SETDB1: variants seen among roughly 807,000 people sequenced by gnomAD.
SETDB1 encodes histone-lysine N-methyltransferase SETDB1.
In SETDB1, 31 loss-of-function variants were observed where a neutral mutation model predicts 137.4. That is an observed-to-expected ratio of 0.23 (90% CI 0.17 to 0.30). The LOEUF (loss-of-function observed/expected upper bound fraction) is 0.30, where lower values mean the gene tolerates loss of function less well. Among genes scored for constraint, SETDB1 ranks in the 10% least tolerant of loss-of-function variants. The probability of loss-of-function intolerance (pLI) is 1.00; values close to 1 mark genes in which losing one functional copy is unlikely to be tolerated. For synonymous variants in SETDB1, 548 were observed against 579.9 expected (o/e 0.95, Z 0.79); for missense variants, 1,113 against 1,631.5 (o/e 0.68, Z 5.47).
At chr1:150,961,327 C>T (rs973861065) in intron 16 of SETDB1, 136 bp downstream of exon 16, 8 of 885,822 alleles carry the variant, frequency 9.0e-6, no homozygotes, top group Admixed American at 4.5e-5. Context: ...ATCTCTCCCC[C>T]TAACTAGCAC....
rs1034694822 is a variant in SETDB1, at chr1:150,963,600, A to G, written c.3531A>G (p.Ala1177=). The change falls in exon 20 of 22, where the codon GCA becomes GCG. Residue 1177 remains alanine (A), a synonymous_variant. Coordinates refer to ENST00000692827, the MANE Select transcript of SETDB1 (RefSeq NM_001366418.1). ...GFALKSTHGI[A]IKSTNMASVD... is the part of the protein sequence containing the mutation. ...CTCTTAAATCAACCCATGGGATTGCAATTAAATCAACCAACATGGCCTCTG... is the reference window on the plus strand; with the variant it reads ...CTCTTAAATCAACCCATGGGATTGCGATTAAATCAACCAACATGGCCTCTG... 9 of 1,613,998 alleles carry G rather than the reference A, an allele frequency of 5.6e-6. No individual in the cohort carries two copies. The Admixed American group carries it at 1.5e-4, about 27-fold the overall frequency.
chr1:150,926,884 T>C lies in SETDB1; in HGVS notation c.-12+367T>C. The C allele has an allele frequency of 5.6e-6, 3 of 531,084 alleles. No homozygotes were observed. The Admixed American group carries it at 5.9e-5, about 11-fold the overall frequency. The allele number at this position is 531,084 out of a possible 1,614,324, so 32.9% of individuals were successfully genotyped here. Reference sequence around the variant, plus strand: ...AACCTTTTTGCTGCAAGCTTTCGTGTGTTTGAATATCATAGACTTTTTAAA... The same window carrying C: ...AACCTTTTTGCTGCAAGCTTTCGTGCGTTTGAATATCATAGACTTTTTAAA... On this transcript the variant is annotated intron_variant, in intron 1 of 21. Coordinates refer to ENST00000692827, the MANE Select transcript of SETDB1 (RefSeq NM_001366418.1).
intron 3 of SETDB1, chr1:150,930,392 T>C (rs587731605): frequency 2.4e-5 from 8 of 338,374 alleles, no homozygotes; most frequent in East Asian, 5.7e-5. Context: ...CCAGGACTTA[T>C]AGTGAGTGTA....
In SETDB1 at chr1:150,949,295, C is replaced by G. The variant is rs772290621; in HGVS notation, c.1424+17C>G. The stretch of plus-strand genomic sequence containing the variant: ...TGACAGTGAGTGAGTGTTATTCTTT[C>G]TTTTTCTTCAGTTTCTTTCATATTA... On this transcript the variant is annotated intron_variant, in intron 11 of 21. Transcript: ENST00000692827. 1.2e-6 allele frequency: 2 copies of G among 1,612,698 alleles called. No individual in the cohort carries two copies. Among genetic ancestry groups the G allele is most frequent in the African/African-American group, 1.3e-5 (1 of 74,822 alleles).
chr1:150,963,435 T>C (rs1461589900), intron 19 of SETDB1, 95 bp from the exon 20 acceptor site: 2 of 1,071,528 alleles, frequency 1.9e-6, no homozygotes, highest in East Asian at 2.5e-5. Flanking sequence ...TCAGCTGCAA[T>C]GTTGGGAGAG....
Position 150,926,461 on chromosome 1 carries a change from G to C in SETDB1, c.-68G>C. 1 of 303,206 alleles carries C rather than the reference G, an allele frequency of 3.3e-6. No homozygotes were observed. Among genetic ancestry groups the C allele is most frequent in the South Asian group, 2.8e-5 (1 of 36,132 alleles). The allele number at this position is 303,206 out of a possible 1,614,324, so 18.8% of individuals were successfully genotyped here. On this transcript the variant is annotated 5_prime_UTR_variant, in exon 1 of 22. Transcript: ENST00000692827. Reference sequence around the variant, plus strand: ...CTTTTCCGTCGAGGCCGACCCCTGAGTTGTGAGTCTGGGGTCTGGTTGGTG... The same window carrying C: ...CTTTTCCGTCGAGGCCGACCCCTGACTTGTGAGTCTGGGGTCTGGTTGGTG...
intron 2 of SETDB1, 152 bp from the exon 3 acceptor site, chr1:150,929,815 A>G (rs1669668735): frequency 2.9e-6 from 2 of 680,624 alleles, no homozygotes; most frequent in Middle Eastern, 8.8e-4. Flanking sequence ...TCTATAGAAA[A>G]AGCATTCTAA....
At chr1:150,934,759 ATT>A (rs1167018351) in intron 3 of SETDB1, among the ~76,000 whole-genome samples, 31 of 151,210 alleles carry the variant, frequency 2.1e-4, no homozygotes, top group Non-Finnish European at 4.0e-4. Flanking sequence ...TTCCTTTAAT[ATT>A]TCTTGCAGTA....
At chr1:150,958,254 C>CTTTTT (rs374122454) in intron 14 of SETDB1, among the ~76,000 whole-genome samples, 5 of 94,066 alleles carry the variant, frequency 5.3e-5, no homozygotes, top group Non-Finnish European at 8.2e-5. Context: ...TTTCTTTTTT[C>CTTTTT]TTTTTTTTTT....
At chr1:150,963,228 G>C (rs1670877581) in intron 19 of SETDB1, 89 bp downstream of exon 19, 2 of 1,245,704 alleles carry the variant, frequency 1.6e-6, no homozygotes, top group East Asian at 4.7e-5. Flanking sequence ...GAAGTAGTGG[G>C]TAAAAATTCA....
intron 3 of SETDB1, 122 bp downstream of exon 3, chr1:150,930,240 C>T: frequency 1.2e-6 from 1 of 845,980 alleles, no homozygotes; most frequent in African/African-American, 1.7e-5. Context: ...TTTCTAACTG[C>T]CTGAGTTGGC....
chr1:150,951,247 A>G, intron 13 of SETDB1, 118 bp from the exon 14 acceptor site: 1 of 1,114,884 alleles, frequency 9.0e-7, no homozygotes, highest in Non-Finnish European at 1.3e-6. Context: ...GAAAGCTATG[A>G]GGTAGGGAGG....
intron 3 of SETDB1, among the ~76,000 whole-genome samples, chr1:150,931,038 T>A (rs587721463): frequency 1.3e-5 from 2 of 151,358 alleles, no homozygotes; most frequent in Admixed American, 6.6e-5. Context: ...GGTGGGAGGA[T>A]CCCCTGATCC....
Position 150,963,804 on chromosome 1 carries a change from C to G in SETDB1, c.3672+63C>G, listed in dbSNP as rs74681459. The G allele has an allele frequency of 0.038, 58,023 of 1,510,908 alleles. 1,301 individuals are homozygous for G. The highest frequency in any genetic ancestry group is 0.059 in the Middle Eastern group (348 of 5,862). 93.6% of individuals were successfully genotyped at this position (1,510,908 alleles called of 1,614,324 possible). ...CCCATGGTCCTCAGATTTCTTTTAA[C>G]ATACTCTATAAGCCCTTTTCTTGTT... is the stretch of plus-strand genomic sequence containing the variant. On this transcript the variant is annotated intron_variant, in intron 20 of 21. Coordinates refer to ENST00000692827, the MANE Select transcript of SETDB1 (RefSeq NM_001366418.1).
intron 14 of SETDB1, among the ~76,000 whole-genome samples, chr1:150,956,106 A>AAAAAAAT (rs1670632080): frequency 7.1e-6 from 1 of 141,600 alleles, no homozygotes; most frequent in African/African-American, 2.7e-5. Context: ...AAAAAAAAAA[A>AAAAAAAT]GCCAAGCGCA....
At chr1:150,957,205 C>G (rs1670669220) in intron 14 of SETDB1, among the ~76,000 whole-genome samples, 1 of 151,710 alleles carries the variant, frequency 6.6e-6, no homozygotes, top group Non-Finnish European at 1.5e-5. Context: ...AAAACCCTGT[C>G]TCCAATACAA....
chr1:150,946,598 G>A (rs916298098), intron 9 of SETDB1, among the ~76,000 whole-genome samples: 10 of 151,978 alleles, frequency 6.6e-5, no homozygotes, highest in African/African-American at 2.2e-4. Context: ...ACAGGCATGC[G>A]CCACCACACC....
rs764965205 is a variant in SETDB1 at position 150,930,013 on chromosome 1, C to T, written c.307C>T (p.Leu103=). ...ESLVKDFYSK[L]GLQYRDSSSE... is the part of the protein sequence containing the mutation. ...TTTGGTGAAGGACTTCTACTCCAAG[C>T]TGGGACTACAATACCGGGACAGTAG... Residue 103 remains leucine, a synonymous_variant, in exon 3 of 22, where the codon CTG becomes TTG. Transcript: ENST00000692827. 4.3e-6 allele frequency: 7 copies of T among 1,613,770 alleles called. No individual in the cohort carries two copies. In the Admixed American group the frequency reaches 6.7e-5, roughly 15 times the overall value.
intron 18 of SETDB1, 74 bp downstream of exon 18, chr1:150,962,793 A>G: frequency 2.6e-6 from 4 of 1,533,278 alleles, no homozygotes; most frequent in Non-Finnish European, 3.6e-6. Context: ...GTCCTTCACT[A>G]TAATTACTGT....
Sources: gnomAD v4.1 joint callset for allele counts (sites outside exome capture counted in the v4.1 genomes callset) on GRCh38, gnomAD v4.1.1 for gene constraint, MANE v1.5 for transcripts, NCBI Gene and HGNC (gene_info 2026-07-23, HGNC 2026-07-21) for gene names.